PKP4: variants seen among roughly 807,000 people sequenced by gnomAD.
The protein encoded by PKP4 is plakophilin 4.
In PKP4, 90 loss-of-function variants were observed where a neutral mutation model predicts 145.1. That is an observed-to-expected ratio of 0.62 (90% CI 0.52 to 0.74). PKP4 has a LOEUF of 0.74. Among genes scored for constraint, PKP4 ranks in the 30% least tolerant of loss-of-function variants. PKP4 has a pLI of 0.00. For synonymous variants in PKP4, 563 were observed against 577.2 expected (o/e 0.98, Z 0.35); for missense variants, 1,340 against 1,482.7 (o/e 0.90, Z 1.58).
intron 2 of PKP4, among the ~76,000 whole-genome samples, chr2:158,538,470 A>T (rs1226051630): frequency 4.6e-5 from 7 of 151,890 alleles, no homozygotes; most frequent in Non-Finnish European, 1.0e-4. Flanking sequence ...CTTCTGTCAT[A>T]AAGTTGCTTG....
chr2:158,639,852 C>T (rs1439837554), intron 9 of PKP4, among the ~76,000 whole-genome samples: 1 of 152,086 alleles, frequency 6.6e-6, no homozygotes, highest in East Asian at 1.9e-4. Context: ...CGTGGCCAGG[C>T]GCATGGCCTT....
At chr2:158,642,831 C>A (rs1040301405) in intron 11 of PKP4, 132 bp downstream of exon 11, 18 of 523,438 alleles carry the variant, frequency 3.4e-5, no homozygotes, top group African/African-American at 2.8e-4. Context: ...GTGCTCACAA[C>A]TGTGAAGGCT....
At chr2:158,502,162 G>T (rs1440913396) in intron 1 of PKP4, among the ~76,000 whole-genome samples, 2 of 152,050 alleles carry the variant, frequency 1.3e-5, no homozygotes, top group East Asian at 1.9e-4. Context: ...ATCATGAAAT[G>T]ATTTTTTTTC....
At chr2:158,586,071 A>G (rs1028661758) in intron 3 of PKP4, among the ~76,000 whole-genome samples, 1 of 152,166 alleles carries the variant, frequency 6.6e-6, no homozygotes, top group African/African-American at 2.4e-5. Flanking sequence ...GAAATTTTCA[A>G]GGTTCCTCCA....
At chr2:158,626,000 GCT>G (rs2052747590) in intron 7 of PKP4, among the ~76,000 whole-genome samples, 1 of 152,114 alleles carries the variant, frequency 6.6e-6, no homozygotes, top group Non-Finnish European at 1.5e-5. Context: ...CCCTAATACA[GCT>G]GTTCCAACTT....
chr2:158,504,606 T>C (rs1407959659), intron 1 of PKP4, among the ~76,000 whole-genome samples: 1 of 152,174 alleles, frequency 6.6e-6, no homozygotes, highest in Non-Finnish European at 1.5e-5. Context: ...TAGTATTAAC[T>C]TAAAAGTTCT....
Position 158,680,912 on chromosome 2 carries a change from G to A in PKP4, c.*235G>A. The A allele has an allele frequency of 2.3e-6, 1 of 431,340 alleles. No individual in the cohort carries two copies. 26.7% of individuals were successfully genotyped at this position (431,340 alleles called of 1,614,324 possible). Reference sequence around the variant, plus strand: ...TAATTACTTATAGATTCTGTAGTCTGGTGAAGGTGTGGGTGACGTGATGAG... The same window carrying A: ...TAATTACTTATAGATTCTGTAGTCTAGTGAAGGTGTGGGTGACGTGATGAG... On this transcript the variant is annotated 3_prime_UTR_variant, in exon 22 of 22. Transcript: ENST00000389759.
At chr2:158,582,927 A>T (rs2105797335) in intron 3 of PKP4, among the ~76,000 whole-genome samples, 1 of 152,234 alleles carries the variant, frequency 6.6e-6, no homozygotes, top group Non-Finnish European at 1.5e-5. Flanking sequence ...CTGTCTGTAG[A>T]GCCTTTTAGA....
intron 4 of PKP4, among the ~76,000 whole-genome samples, chr2:158,613,869 GAAAACCATCAGAT>G (rs2051350529): frequency 6.6e-6 from 1 of 152,166 alleles, no homozygotes; most frequent in Admixed American, 6.6e-5. Flanking sequence ...AATGACATGA[GAAAACCATCAGAT>G]AAATTCAGGA....
At chr2:158,557,288 T>TG (rs141372582) in intron 2 of PKP4, among the ~76,000 whole-genome samples, 9,589 of 152,128 alleles carry the variant, frequency 0.063, 401 homozygotes, top group South Asian at 0.11. Context: ...ATACCTTACA[T>TG]GAGTCTGTGT....
intron 6 of PKP4, among the ~76,000 whole-genome samples, chr2:158,622,175 T>C (rs1401468275): frequency 6.6e-6 from 1 of 152,206 alleles, no homozygotes; most frequent in Non-Finnish European, 1.5e-5. Flanking sequence ...ATTACCATCA[T>C]CACTGGAATT....
intron 1 of PKP4, among the ~76,000 whole-genome samples, chr2:158,532,643 C>CT (rs79081091): frequency 6.6e-6 from 1 of 151,924 alleles, no homozygotes; most frequent in Non-Finnish European, 1.5e-5. Flanking sequence ...AGAACCTATT[C>CT]TATCATAAGC....
chr2:158,592,569 A>G (rs2049368752), intron 3 of PKP4, among the ~76,000 whole-genome samples: 3 of 152,212 alleles, frequency 2.0e-5, no homozygotes, highest in Admixed American at 2.0e-4. Context: ...CTCTTTTCAC[A>G]CTTACAATTA....
At chr2:158,602,747 A>G (rs1203023148) in intron 3 of PKP4, among the ~76,000 whole-genome samples, 32 of 152,228 alleles carry the variant, frequency 2.1e-4, no homozygotes, top group Admixed American at 2.0e-3. Context: ...TATGATACGT[A>G]TGTGGTTTTC....
intron 2 of PKP4, among the ~76,000 whole-genome samples, chr2:158,571,507 G>T (rs1384311203): frequency 2.0e-5 from 3 of 152,290 alleles, no homozygotes; most frequent in Admixed American, 6.5e-5. Flanking sequence ...TGGGTTTGGG[G>T]TGTGGAGGAA....
At chr2:158,604,523 A>C (rs905617844) in intron 4 of PKP4, among the ~76,000 whole-genome samples, 1 of 152,136 alleles carries the variant, frequency 6.6e-6, no homozygotes, top group African/African-American at 2.4e-5. Context: ...CTTACTGCAG[A>C]ATTTGGTGTG....
chr2:158,496,522 G>A (rs1695738720), intron 1 of PKP4, among the ~76,000 whole-genome samples: 2 of 152,056 alleles, frequency 1.3e-5, no homozygotes. Context: ...ACATCCATCT[G>A]TCCTCTGGTC....
At chr2:158,510,988 G>A (rs1019638251) in intron 1 of PKP4, among the ~76,000 whole-genome samples, 10 of 152,174 alleles carry the variant, frequency 6.6e-5, no homozygotes, top group African/African-American at 2.4e-4. Flanking sequence ...TTCCTGTTGT[G>A]CCAGACCACA....
Position 158,679,950 on chromosome 2 carries a change from T to A in PKP4, c.3331-479T>A, listed in dbSNP as rs557592468. On this transcript the variant is annotated intron_variant, in intron 21 of 21. Transcript: ENST00000389759. ...GTGGACTCCATCTTCATATCTGAAGTAAATGTTCTAAAAGATGGTTCGGTA... is the reference window on the plus strand; with the variant it reads ...GTGGACTCCATCTTCATATCTGAAGAAAATGTTCTAAAAGATGGTTCGGTA... Among the ~76,000 whole-genome samples, 7 of 152,346 alleles carry A rather than the reference T, an allele frequency of 4.6e-5. No homozygotes were observed. The South Asian group carries it at 1.5e-3, about 32-fold the overall frequency.
Sources: gnomAD v4.1 joint callset for allele counts (sites outside exome capture counted in the v4.1 genomes callset) on GRCh38, gnomAD v4.1.1 for gene constraint, MANE v1.5 for transcripts, NCBI Gene and HGNC (gene_info 2026-07-23, HGNC 2026-07-21) for gene names.